Variants in PGBD5 observed in about 807,000 individuals in gnomAD.
The protein encoded by PGBD5 is piggyBac transposable element-derived protein 5.
A neutral mutation model predicts 47.9 loss-of-function variants in PGBD5; 14 were observed. The ratio of observed to expected loss-of-function variants is 0.29; its 90% CI spans 0.19 to 0.46. The LOEUF is 0.46. Among genes scored for constraint, PGBD5 ranks in the 20% least tolerant of loss-of-function variants. The probability of loss-of-function intolerance (pLI) is 1.00; values close to 1 mark genes in which losing one functional copy is unlikely to be tolerated. For missense variants in PGBD5, 635 were observed against 716.0 expected (o/e 0.89, Z 1.29); for synonymous variants, 316 against 306.3 (o/e 1.03, Z -0.33).
intron 1 of PGBD5, among the ~76,000 whole-genome samples, chr1:230,376,255 G>C (rs1668012421): frequency 6.6e-6 from 1 of 152,142 alleles, no homozygotes; most frequent in Non-Finnish European, 1.5e-5. Flanking sequence ...GCAGGAGGCT[G>C]CTCCCTGCCT....
At chr1:230,377,469 C>A in intron 1 of PGBD5, 1 of 1,609,146 alleles carries the variant, frequency 6.2e-7, no homozygotes, top group Non-Finnish European at 8.5e-7. Context: ...TTGCCCAGAG[C>A]TGGAAGGGCC....
intron 5 of PGBD5, among the ~76,000 whole-genome samples, chr1:230,328,079 TCTCCGGTGAGTCATGGCCG>T (rs1667151612): frequency 1.3e-5 from 2 of 152,086 alleles, no homozygotes; most frequent in Non-Finnish European, 2.9e-5. Context: ...GTCATTAGTG[TCTCCGGTGAGTCATGGCCG>T]CTCTCCGAAG....
At chr1:230,376,312 C>T (rs927744037) in intron 1 of PGBD5, among the ~76,000 whole-genome samples, 2 of 152,152 alleles carry the variant, frequency 1.3e-5, no homozygotes, top group African/African-American at 4.8e-5. Flanking sequence ...GGAGTCCTGT[C>T]GTCCTGGACT....
At chr1:230,327,719 C>T (rs1667145363) in intron 5 of PGBD5, among the ~76,000 whole-genome samples, 1 of 152,236 alleles carries the variant, frequency 6.6e-6, no homozygotes, top group Non-Finnish European at 1.5e-5. Context: ...CTCAGCGCAC[C>T]AGGCGCCAGG....
chr1:230,413,553 T>C (rs969567755), intron 1 of PGBD5, among the ~76,000 whole-genome samples: 3 of 152,032 alleles, frequency 2.0e-5, no homozygotes, highest in Non-Finnish European at 2.9e-5. Context: ...ACAGACAAGA[T>C]TATGATTGAG....
At chr1:230,420,766 G>C (rs1277888692) in intron 1 of PGBD5, among the ~76,000 whole-genome samples, 1 of 152,156 alleles carries the variant, frequency 6.6e-6, no homozygotes, top group Non-Finnish European at 1.5e-5. Context: ...TCTTGGGTAT[G>C]TCTTTATCAG....
In PGBD5 at chr1:230,323,167, C is replaced by A. The variant is rs1287448958; in HGVS notation, c.*258G>T. The stretch of plus-strand genomic sequence containing the variant: ...CCACGGATGTCATGAGAGAATCTGC[C>A]CTTGAGAACGTGGGTGTAAGTGCTC... On this transcript the variant is annotated 3_prime_UTR_variant, in exon 7 of 7. Coordinates refer to ENST00000391860, the MANE Select transcript of PGBD5 (RefSeq NM_001258311.2). This position sits in a 1 kb window ranked among gnomAD's most constrained non-coding sequence, Gnocchi z 4.1. The A allele has an allele frequency of 1.5e-5, 7 of 481,668 alleles. No homozygotes were observed. Among genetic ancestry groups the A allele is most frequent in the Non-Finnish European group, 2.6e-5 (7 of 270,156 alleles). The allele number at this position is 481,668 out of a possible 1,614,324, so 29.8% of individuals were successfully genotyped here. A position where few individuals can be genotyped will look rare whatever the true frequency, so the allele number is the denominator to read the frequency against.
intron 1 of PGBD5, among the ~76,000 whole-genome samples, chr1:230,359,724 G>C (rs1667713855): frequency 6.6e-6 from 1 of 152,154 alleles, no homozygotes; most frequent in Non-Finnish European, 1.5e-5. Context: ...GGCCCTAAGG[G>C]AGGTTCCTGA....
chr1:230,402,467 T>C (rs1322967132), intron 1 of PGBD5, among the ~76,000 whole-genome samples: 1 of 152,238 alleles, frequency 6.6e-6, no homozygotes, highest in East Asian at 1.9e-4. Context: ...GCTCTGTCAC[T>C]AAAGTTGGAG....
intron 4 of PGBD5, among the ~76,000 whole-genome samples, chr1:230,335,077 A>C (rs1430643068): frequency 6.7e-6 from 1 of 150,150 alleles, no homozygotes; most frequent in Non-Finnish European, 1.5e-5. Context: ...ATGCACACAC[A>C]GACACACACA....
intron 1 of PGBD5, among the ~76,000 whole-genome samples, chr1:230,399,060 G>C (rs187580913): frequency 2.4e-3 from 354 of 150,386 alleles, no homozygotes; most frequent in Non-Finnish European, 3.4e-3. Flanking sequence ...GGTTACTAAG[G>C]GGGGGTGGCT....
At chr1:230,343,492 GA>G (rs767610616) in intron 3 of PGBD5, among the ~76,000 whole-genome samples, 2 of 152,232 alleles carry the variant, frequency 1.3e-5, no homozygotes, top group Non-Finnish European at 2.9e-5. Flanking sequence ...AGTGGAGAAA[GA>G]AGGTAGTTCT....
In PGBD5 at chr1:230,316,058, GTATGTGTATACATACATGTT is replaced by G. The variant is rs1348173722; in HGVS notation, c.*7347_*7366del. 12 of 122,312 alleles carry G rather than the reference GTATGTGTATACATACATGTT, an allele frequency of 9.8e-5. No individual in the cohort carries two copies. The highest frequency in any genetic ancestry group is 3.6e-4 in the African/African-American group (12 of 33,664). The allele number at this position is 122,312 out of a possible 1,614,324, so 7.6% of individuals were successfully genotyped here. A position where few individuals can be genotyped will look rare whatever the true frequency, so the allele number is the denominator to read the frequency against. On this transcript the variant is annotated 3_prime_UTR_variant, in exon 7 of 7. Coordinates refer to ENST00000391860, the MANE Select transcript of PGBD5 (RefSeq NM_001258311.2). ...CATAAGTATATGTGTACACATATAT[GTATGTGTATACATACATGTT>G]TATGTGTATACATACATATGTTTAT...
chr1:230,409,498 A>G (rs912144088), intron 1 of PGBD5, among the ~76,000 whole-genome samples: 12 of 152,248 alleles, frequency 7.9e-5, no homozygotes, highest in African/African-American at 2.2e-4. Context: ...TATACACTCA[A>G]TGGAATATTA....
At chr1:230,370,888 TTAGATAGAATGAAAGCCC>T (rs1406357927) in intron 1 of PGBD5, among the ~76,000 whole-genome samples, 3 of 152,226 alleles carry the variant, frequency 2.0e-5, no homozygotes, top group Non-Finnish European at 2.9e-5. Flanking sequence ...GTCCCATGTA[TTAGATAGAATGAAAGCCC>T]TCAGGCACAG....
chr1:230,326,064 T>C (rs1667112308), intron 5 of PGBD5, among the ~76,000 whole-genome samples: 1 of 152,248 alleles, frequency 6.6e-6, no homozygotes, highest in African/African-American at 2.4e-5. Flanking sequence ...ATACATTATA[T>C]GTAGCAGAAC....
rs140905700 is a variant in PGBD5 at position 230,401,378 on chromosome 1, C to T, written c.331+24220G>A. Among the ~76,000 whole-genome samples the T allele has an allele frequency of 2.1e-4, 32 of 152,318 alleles. No homozygotes were observed. The Middle Eastern group carries it at 0.014, about 65-fold the overall frequency. ...AGTACGTGCTCCGGGACTGCTCATCCCCGTTGAGGTGGCTCTTCTCATGGG... is the reference window on the plus strand; with the variant it reads ...AGTACGTGCTCCGGGACTGCTCATCTCCGTTGAGGTGGCTCTTCTCATGGG... On this transcript the variant is annotated intron_variant, in intron 1 of 6. Coordinates refer to ENST00000391860, the MANE Select transcript of PGBD5 (RefSeq NM_001258311.2).
At chr1:230,386,250 T>C (rs562014368) in intron 1 of PGBD5, among the ~76,000 whole-genome samples, 24 of 151,752 alleles carry the variant, frequency 1.6e-4, no homozygotes, top group Admixed American at 2.0e-4. Context: ...ACCTAGGAGG[T>C]TGAGGCAGTA....
intron 1 of PGBD5, among the ~76,000 whole-genome samples, chr1:230,420,950 C>T (rs1019724832): frequency 5.9e-5 from 9 of 152,240 alleles, no homozygotes; most frequent in East Asian, 1.9e-4. Flanking sequence ...GAAGCTGAAG[C>T]GGGAGGATCA....
Sources: gnomAD v4.1 joint callset for allele counts (sites outside exome capture counted in the v4.1 genomes callset) on GRCh38, gnomAD v4.1.1 for gene constraint, Gnocchi (gnomAD v3.1) non-coding constraint, MANE v1.5 for transcripts, NCBI Gene and HGNC (gene_info 2026-07-23, HGNC 2026-07-21) for gene names.